ERCC6: variants seen among roughly 807,000 people sequenced by gnomAD.
ERCC6 encodes the protein ERCC excision repair 6, chromatin remodeling factor.
ERCC6 carries 116 observed loss-of-function variants against 158.7 expected under a neutral mutation model. That is an observed-to-expected ratio of 0.73 (90% confidence interval 0.63 to 0.85). ERCC6 has a LOEUF of 0.85. ERCC6 is among the 40% of genes least tolerant of loss of function. The pLI is 0.00. For missense variants in ERCC6, 1,698 were observed against 1,799.4 expected, an observed-to-expected ratio of 0.94 and a Z score of 1.02; for synonymous variants, 678 against 659.3, an observed-to-expected ratio of 1.03 and a Z score of -0.43.
chr10:49,464,125 A>G (rs1850630381), intron 18 of ERCC6, among the ~76,000 whole-genome samples: 2 of 152,224 alleles, frequency 1.3e-5, no homozygotes, highest in Admixed American at 6.5e-5. Context: ...AATAGCTTTG[A>G]CAAAAATGTT....
In ERCC6 at chr10:49,472,479, G is replaced by C. The variant is rs1347136804; in HGVS notation, c.2830-9C>G. ...CATGCTCGCTCCCGGGCCTGCAACA[G>C]AGAGAGAGAGACCTCTCAACGAGAA... On this transcript the variant is annotated splice_polypyrimidine_tract_variant and intron_variant, in intron 15 of 20. Transcript: ENST00000355832. 2.6e-6 allele frequency: 4 copies of C among 1,517,430 alleles called. No individual in the cohort carries two copies. The highest frequency in any genetic ancestry group is 3.6e-6 in the Non-Finnish European group (4 of 1,103,754). The allele number at this position is 1,517,430 out of a possible 1,614,324, so 94.0% of individuals were successfully genotyped here.
At chr10:49,451,012 C>A (rs981258405), downstream of ERCC6, among the ~76,000 whole-genome samples, 1 of 151,954 alleles carries the variant, frequency 6.6e-6, no homozygotes, top group African/African-American at 2.4e-5. Flanking sequence ...AGGGTTTCAC[C>A]GTGTTAGCCA....
downstream of ERCC6, among the ~76,000 whole-genome samples, chr10:49,452,858 T>A (rs937650123): frequency 1.3e-5 from 2 of 152,186 alleles, no homozygotes; most frequent in Non-Finnish European, 2.9e-5. Context: ...TAAAGTCTAC[T>A]TTGTCTGACA....
At position 49,524,469 on chromosome 10, in the gene ERCC6, G is replaced by A. The variant is rs1277366295; in HGVS notation, c.961C>T (p.Leu321=). ...KNKPNKKARV[L]SKKEERLKKH... is the part of the protein sequence containing the mutation. ...TTCAAACGCTCCTCTTTTTTGGACA[G>A]AACTCTGGCTTTCTTGTTTGGTTTG... Residue 321 remains leucine, a synonymous_variant, in exon 5 of 21, where the codon CTG becomes TTG. Coordinates refer to ENST00000355832, the MANE Select transcript of ERCC6 (RefSeq NM_000124.4). 8.1e-6 allele frequency: 13 copies of A among 1,614,210 alleles called. No individual in the cohort carries two copies. Among genetic ancestry groups the A allele is most frequent in the Middle Eastern group, 1.6e-4 (1 of 6,062 alleles).
At chr10:49,504,052 TA>T (rs1187239555) in intron 6 of ERCC6, 2 of 152,192 alleles carry the variant, frequency 1.3e-5, no homozygotes, top group African/African-American at 4.8e-5. Flanking sequence ...AAAATGTACT[TA>T]AATGGCTAAT....
At chr10:49,486,856 T>C (rs1011306272) in intron 8 of ERCC6, among the ~76,000 whole-genome samples, 1 of 152,230 alleles carries the variant, frequency 6.6e-6, no homozygotes, top group Non-Finnish European at 1.5e-5. Flanking sequence ...TTCCAATCAT[T>C]GTTACAAGGC....
intron 5 of ERCC6, among the ~76,000 whole-genome samples, chr10:49,519,240 C>T (rs1320930893): frequency 3.9e-5 from 6 of 152,292 alleles, no homozygotes; most frequent in African/African-American, 1.4e-4. Flanking sequence ...GGGAAGGAAA[C>T]ATGTATGTAG....
chr10:49,537,829 TCTC>T (rs1301958401), intron 1 of ERCC6, among the ~76,000 whole-genome samples: 1 of 152,170 alleles, frequency 6.6e-6, no homozygotes, highest in Non-Finnish European at 1.5e-5. Flanking sequence ...TTCAAGCGAT[TCTC>T]CTGCCTTGGC....
chr10:49,516,126 G>A, intron 5 of ERCC6: 1 of 1,614,100 alleles, frequency 6.2e-7, no homozygotes, highest in Non-Finnish European at 8.5e-7. Context: ...AAGGACAAGT[G>A]ACGCACCGAC....
In ERCC6 at chr10:49,515,782, T is replaced by C. The variant is rs775017022; in HGVS notation, c.1397+8251A>G. 2.5e-6 allele frequency: 4 copies of C among 1,614,204 alleles called. No individual in the cohort carries two copies. In the African/African-American group the frequency reaches 4.0e-5, roughly 16 times the overall value. ...ATCATGTTTGGCTGCTGAACTTGTATCTTCTTTTTCAGTTTCTGGGAGTAA... is the reference window on the plus strand; with the variant it reads ...ATCATGTTTGGCTGCTGAACTTGTACCTTCTTTTTCAGTTTCTGGGAGTAA... On this transcript the variant is annotated intron_variant, in intron 5 of 20. Coordinates refer to ENST00000355832, the MANE Select transcript of ERCC6 (RefSeq NM_000124.4).
the ERCC6 span, among the ~76,000 whole-genome samples, chr10:49,446,908 AAAG>A: frequency 1.3e-5 from 2 of 152,246 alleles, no homozygotes; most frequent in African/African-American, 4.8e-5. Context: ...GGCAGTATTC[AAAG>A]AAATAATGGC....
At chr10:49,438,106 C>T in the ERCC6 span, among the ~76,000 whole-genome samples, 95 of 152,304 alleles carry the variant, frequency 6.2e-4, no homozygotes, top group African/African-American at 2.0e-3. Context: ...AACCACACTG[C>T]AGATCCAACC....
At chr10:49,505,775 C>T (rs1167528478) in intron 6 of ERCC6, 109 bp downstream of exon 6, 4 of 1,309,838 alleles carry the variant, frequency 3.1e-6, no homozygotes, top group Non-Finnish European at 4.3e-6. Flanking sequence ...CAACAAATTG[C>T]TGCAAGTACC....
At chr10:49,521,857 C>T (rs779086787) in intron 5 of ERCC6, among the ~76,000 whole-genome samples, 3 of 152,182 alleles carry the variant, frequency 2.0e-5, no homozygotes, top group Non-Finnish European at 4.4e-5. Flanking sequence ...AAGGGCTTGA[C>T]GGAAAATTCC....
In ERCC6 at chr10:49,528,351, C is replaced by T. The variant is rs980404747; in HGVS notation, c.652+66G>A. On this transcript the variant is annotated intron_variant, in intron 4 of 20. Coordinates refer to ENST00000355832, the MANE Select transcript of ERCC6 (RefSeq NM_000124.4). ...CCCAGGCAAAGACTAAAGAGACACC[C>T]TCCACTGACTACAGGCATCAGGCAT... 5.7e-6 allele frequency: 9 copies of T among 1,571,316 alleles called. No individual in the cohort carries two copies. The African/African-American group carries it at 1.1e-4, about 19-fold the overall frequency.
At chr10:49,524,907 C>CTA in intron 4 of ERCC6, 130 bp from the exon 5 acceptor site, 1 of 1,527,096 alleles carries the variant, frequency 6.5e-7, no homozygotes, top group African/African-American at 1.4e-5. Flanking sequence ...CATCCATGTA[C>CTA]TAAAGCATGT....
chr10:49,481,929 T>C (rs1053609591), intron 10 of ERCC6, among the ~76,000 whole-genome samples: 1 of 152,174 alleles, frequency 6.6e-6, no homozygotes, highest in African/African-American at 2.4e-5. Flanking sequence ...AGCCTCCCTC[T>C]TGTGACTACC....
At chr10:49,472,266 A>G (rs1850793867) in intron 16 of ERCC6, 110 bp downstream of exon 16, 2 of 963,778 alleles carry the variant, frequency 2.1e-6, no homozygotes, top group East Asian at 2.4e-5. Flanking sequence ...CTTAAGTTAT[A>G]GCAACTATTA....
downstream of ERCC6, among the ~76,000 whole-genome samples, chr10:49,451,065 C>G (rs1285762498): frequency 6.6e-6 from 1 of 152,190 alleles, no homozygotes; most frequent in Non-Finnish European, 1.5e-5. Context: ...CCTGCCTCGG[C>G]CTCCCAAAGT....
Sources: allele counts gnomAD v4.1 joint callset (sites outside exome capture counted in the v4.1 genomes callset), GRCh38; gene constraint gnomAD v4.1.1; transcripts MANE v1.5; gene names NCBI Gene and HGNC (gene_info 2026-07-23, HGNC 2026-07-21).